The following WDFY4 variants were observed in gnomAD, a reference collection of about 807,000 sequenced individuals.
WDFY4 encodes the protein WD repeat- and FYVE domain-containing protein 4.
In WDFY4, 169 loss-of-function variants were observed where a neutral mutation model predicts 351.9. The observed-to-expected ratio is 0.48, with a 90% confidence interval of 0.42 to 0.55. The LOEUF (loss-of-function observed/expected upper bound fraction) is 0.55. WDFY4 is among the 20% of genes least tolerant of loss of function. WDFY4 has a pLI of 0.00. For synonymous variants in WDFY4, 1,622 were observed against 1,574.6 expected, an observed-to-expected ratio of 1.03 and a Z score of -0.71; for missense variants, 3,803 against 3,935.6, an observed-to-expected ratio of 0.97 and a Z score of 0.90.
At chr10:48,792,450 G>A (rs2066716782) in intron 23 of WDFY4, among the ~76,000 whole-genome samples, 1 of 152,170 alleles carries the variant, frequency 6.6e-6, no homozygotes, top group Non-Finnish European at 1.5e-5. Context: ...AAGACACTCA[G>A]TACATGTTTT....
chr10:48,903,859 G>A (rs1837485764), intron 47 of WDFY4, among the ~76,000 whole-genome samples: 1 of 152,228 alleles, frequency 6.6e-6, no homozygotes, highest in Admixed American at 6.5e-5. Context: ...AAGAATGGAT[G>A]CACATGGAAA....
chr10:48,898,005 C>G (rs1228562901), intron 45 of WDFY4, among the ~76,000 whole-genome samples: 1 of 152,114 alleles, frequency 6.6e-6, no homozygotes, highest in Admixed American at 6.5e-5. Flanking sequence ...CTCCCCCTTT[C>G]TCCCCAAGGT....
At chr10:48,929,948 A>G (rs1271532051) in intron 47 of WDFY4, among the ~76,000 whole-genome samples, 3 of 151,750 alleles carry the variant, frequency 2.0e-5, no homozygotes, top group Non-Finnish European at 4.4e-5. Context: ...TTCTCCTCCA[A>G]TAGCATCTGG....
intron 50 of WDFY4, among the ~76,000 whole-genome samples, chr10:48,946,394 A>T (rs1328444172): frequency 2.0e-5 from 3 of 152,268 alleles, no homozygotes; most frequent in Non-Finnish European, 4.4e-5. Context: ...AGGGGATTCT[A>T]ACATGCAGCC....
rs188327352 is a variant in WDFY4, at chr10:48,696,698, G to A, written c.-18+11697G>A. Among the ~76,000 whole-genome samples, 25 of 152,368 alleles carry A rather than the reference G, an allele frequency of 1.6e-4. No homozygotes were observed. In the East Asian group the frequency reaches 4.2e-3, roughly 26 times the overall value. ...CCCAAAGATGGATGGAGGCCCCAGA[G>A]CACACTTACAAAGGCCATGTGGGCT... On this transcript the variant is annotated intron_variant, in intron 1 of 61. Coordinates refer to ENST00000325239, the MANE Select transcript of WDFY4 (RefSeq NM_001394531.1).
intron 9 of WDFY4, among the ~76,000 whole-genome samples, chr10:48,732,774 T>C (rs2064509840): frequency 6.6e-6 from 1 of 152,208 alleles, no homozygotes; most frequent in South Asian, 2.1e-4. Context: ...AGTCGCCTTG[T>C]CCCTATAGTT....
chr10:48,832,475 G>C (rs1380195780), intron 38 of WDFY4, 98 bp from the exon 39 acceptor site: 2 of 1,366,796 alleles, frequency 1.5e-6, no homozygotes, highest in South Asian at 3.2e-5. Flanking sequence ...ACCACAGGGG[G>C]CTCATGCCCC....
intron 44 of WDFY4, among the ~76,000 whole-genome samples, chr10:48,895,488 G>A (rs1018696037): frequency 6.6e-6 from 1 of 152,234 alleles, no homozygotes; most frequent in African/African-American, 2.4e-5. Flanking sequence ...TTGAGGGCTG[G>A]CGTGCTTGGG....
chr10:48,953,081 C>T (rs1042450995), intron 51 of WDFY4, among the ~76,000 whole-genome samples: 4 of 152,074 alleles, frequency 2.6e-5, no homozygotes, highest in Admixed American at 1.3e-4. Context: ...TGGAAGATCC[C>T]GCCTCTCCTC....
intron 19 of WDFY4, among the ~76,000 whole-genome samples, chr10:48,782,359 C>T (rs1589595599): frequency 6.6e-6 from 1 of 152,210 alleles, no homozygotes; most frequent in East Asian, 1.9e-4. Flanking sequence ...GAACTTGGCG[C>T]AGGGGCTGAC....
chr10:48,833,170 T>TGAGAGAGAGA (rs535221665), intron 39 of WDFY4, among the ~76,000 whole-genome samples: 35 of 139,366 alleles, frequency 2.5e-4, no homozygotes, highest in Admixed American at 1.5e-3. Context: ...TGTGTGTGTG[T>TGAGAGAGAGA]GTGAGAGAGA....
intron 7 of WDFY4, 36 bp from the exon 8 acceptor site, chr10:48,729,395 AG>A (rs2064378597): frequency 6.5e-7 from 1 of 1,547,688 alleles, no homozygotes; most frequent in South Asian, 1.2e-5. Flanking sequence ...TGCTCCATCT[AG>A]GAAGTACAGG....
intron 28 of WDFY4, among the ~76,000 whole-genome samples, chr10:48,808,628 G>T (rs138302842): frequency 2.0e-5 from 3 of 152,130 alleles, no homozygotes; most frequent in Non-Finnish European, 4.4e-5. Context: ...TCTGGGCTTG[G>T]GGGTAAAGAG....
rs541122855 is a variant in WDFY4 at position 48,953,415 on chromosome 10, G to A, written c.7978-3714G>A. On this transcript the variant is annotated intron_variant, in intron 51 of 61. Coordinates refer to ENST00000325239, the MANE Select transcript of WDFY4 (RefSeq NM_001394531.1). ...AGGGTTCATAGACAAGGGCATGGGC[G>A]GTTAAAGAGATTAAGAAACTCACTT... Among the ~76,000 whole-genome samples, 4 of 151,748 alleles carry A rather than the reference G, an allele frequency of 2.6e-5. No individual in the cohort carries two copies. The East Asian group carries it at 7.8e-4, about 29-fold the overall frequency.
Position 48,733,911 on chromosome 10 carries a change from T to C in WDFY4, c.1583-20T>C, listed in dbSNP as rs1589481004. 5 of 1,550,384 alleles carry C rather than the reference T, an allele frequency of 3.2e-6. No individual in the cohort carries two copies. The highest frequency in any genetic ancestry group is 4.4e-6 in the Non-Finnish European group (5 of 1,145,810). ...CACATGTACTTAATTTATTTTGTTATTTCTTCTTCAATATGGCAGGAAACA... is the reference window on the plus strand; with the variant it reads ...CACATGTACTTAATTTATTTTGTTACTTCTTCTTCAATATGGCAGGAAACA... On this transcript the variant is annotated intron_variant, in intron 9 of 61. Transcript: ENST00000325239.
intron 19 of WDFY4, among the ~76,000 whole-genome samples, chr10:48,784,838 T>C (rs961591399): frequency 1.5e-5 from 2 of 132,624 alleles, no homozygotes; most frequent in African/African-American, 6.0e-5. Flanking sequence ...CCACACCCAG[T>C]TGCATCGTTT....
At chr10:48,835,126 G>A (rs571193506) in intron 39 of WDFY4, among the ~76,000 whole-genome samples, 1 of 152,320 alleles carries the variant, frequency 6.6e-6, no homozygotes, top group East Asian at 1.9e-4. Flanking sequence ...TCAGCATTGA[G>A]GTTACAGCAG....
At chr10:48,695,796 T>C (rs1434578749) in intron 1 of WDFY4, among the ~76,000 whole-genome samples, 1 of 151,956 alleles carries the variant, frequency 6.6e-6, no homozygotes, top group African/African-American at 2.4e-5. Flanking sequence ...AGCCAAACTG[T>C]AGGGGTCCAG....
intron 9 of WDFY4, among the ~76,000 whole-genome samples, 180 bp from the exon 10 acceptor site, chr10:48,733,751 A>C (rs1474282380): frequency 1.3e-5 from 2 of 152,180 alleles, no homozygotes; most frequent in Non-Finnish European, 2.9e-5. Context: ...ATGTGCTCAA[A>C]ATGGAGAACC....
Sources: allele counts gnomAD v4.1 joint callset (sites outside exome capture counted in the v4.1 genomes callset), GRCh38; gene constraint gnomAD v4.1.1; transcripts MANE v1.5; gene names NCBI Gene and HGNC (gene_info 2026-07-23, HGNC 2026-07-21).